SLCO5A1: variants seen among roughly 807,000 people sequenced by gnomAD.
The protein encoded by SLCO5A1 is organic anion transporter polypeptide-related protein 4.
A neutral mutation model predicts 65.1 loss-of-function variants in SLCO5A1; 39 were observed. The ratio of observed to expected loss-of-function variants is 0.60; its 90% CI spans 0.46 to 0.78. The LOEUF (loss-of-function observed/expected upper bound fraction) is 0.78. Among genes scored for constraint, SLCO5A1 ranks in the 30% least tolerant of loss-of-function variants. SLCO5A1 has a pLI of 0.00. For synonymous variants in SLCO5A1, 438 were observed against 415.7 expected (o/e 1.05, Z -0.65); for missense variants, 1,029 against 1,069.4 (o/e 0.96, Z 0.53).
intron 2 of SLCO5A1, among the ~76,000 whole-genome samples, chr8:69,767,243 C>T (rs990885573): frequency 3.3e-5 from 5 of 152,214 alleles, no homozygotes; most frequent in African/African-American, 1.2e-4. Context: ...TGAGAGCACG[C>T]TAAATCATTC....
intron 2 of SLCO5A1, among the ~76,000 whole-genome samples, chr8:69,784,882 A>T (rs529770772): frequency 3.5e-5 from 5 of 144,634 alleles, no homozygotes; most frequent in African/African-American, 1.3e-4. Flanking sequence ...GGAGAAAGAA[A>T]GAAAGAAGAA....
intron 2 of SLCO5A1, among the ~76,000 whole-genome samples, chr8:69,811,349 A>G (rs542993432): frequency 1.3e-5 from 2 of 152,344 alleles, no homozygotes; most frequent in South Asian, 4.1e-4. Flanking sequence ...CTTGTGAGGA[A>G]GCTATTTATA....
Position 69,832,946 on chromosome 8 carries a change from C to G in SLCO5A1, c.-273G>C, listed in dbSNP as rs1821239726. ...ATGAGCCCTACTCGGCGTCCCTCTCCGGGCGGTAGCTTGAGGCAGGCGCCT... is the reference window on the plus strand; with the variant it reads ...ATGAGCCCTACTCGGCGTCCCTCTCGGGGCGGTAGCTTGAGGCAGGCGCCT... On this transcript the variant is annotated 5_prime_UTR_variant, in exon 2 of 10. Transcript: ENST00000260126. The surrounding 1 kb of genome is among the most constrained non-coding windows in gnomAD (Gnocchi z 4.5). 4.6e-6 allele frequency: 2 copies of G among 436,708 alleles called. No homozygotes were observed. The highest frequency in any genetic ancestry group is 7.9e-6 in the Non-Finnish European group (2 of 252,590). The allele number at this position is 436,708 out of a possible 1,614,324, so 27.1% of individuals were successfully genotyped here. A position where few individuals can be genotyped will look rare whatever the true frequency, so the allele number is the denominator to read the frequency against.
chr8:69,675,596 G>A (rs192118923), intron 9 of SLCO5A1, among the ~76,000 whole-genome samples: 29 of 152,226 alleles, frequency 1.9e-4, no homozygotes, highest in African/African-American at 6.0e-4. Flanking sequence ...CTCATTAAAT[G>A]GAACTAGAAG....
At chr8:69,788,020 G>A (rs1382738691) in intron 2 of SLCO5A1, among the ~76,000 whole-genome samples, 1 of 152,066 alleles carries the variant, frequency 6.6e-6, no homozygotes, top group Non-Finnish European at 1.5e-5. Context: ...TTCTCATTTT[G>A]AATGACATTT....
intron 2 of SLCO5A1, among the ~76,000 whole-genome samples, chr8:69,827,817 G>A (rs1382745001): frequency 1.3e-5 from 2 of 152,222 alleles, no homozygotes; most frequent in African/African-American, 4.8e-5. Context: ...AATTTGTACA[G>A]AGGTAGTCTA....
At chr8:69,785,932 A>G (rs574472729) in intron 2 of SLCO5A1, among the ~76,000 whole-genome samples, 2 of 152,360 alleles carry the variant, frequency 1.3e-5, no homozygotes, top group Admixed American at 1.3e-4. Context: ...AGCTATTATA[A>G]TATTCAGAGC....
At chr8:69,807,184 T>C (rs940558539) in intron 2 of SLCO5A1, among the ~76,000 whole-genome samples, 2 of 152,226 alleles carry the variant, frequency 1.3e-5, no homozygotes, top group Non-Finnish European at 2.9e-5. Context: ...AATTAGAATA[T>C]ACATGTGTGA....
intron 5 of SLCO5A1, among the ~76,000 whole-genome samples, chr8:69,722,050 T>C (rs192073620): frequency 3.9e-5 from 6 of 152,240 alleles, no homozygotes; most frequent in Admixed American, 6.5e-5. Flanking sequence ...CATATACCTA[T>C]AGTCCCAGCT....
At chr8:69,755,075 G>T (rs1271203295) in intron 4 of SLCO5A1, among the ~76,000 whole-genome samples, 2 of 151,994 alleles carry the variant, frequency 1.3e-5, no homozygotes, top group Non-Finnish European at 1.5e-5. Context: ...GTTTCTTTAT[G>T]ATCTAAATCA....
chr8:69,723,024 A>G (rs904239367), intron 5 of SLCO5A1, among the ~76,000 whole-genome samples: 9 of 152,200 alleles, frequency 5.9e-5, no homozygotes, highest in African/African-American at 1.9e-4. Context: ...TATAAGACAC[A>G]ACAAAACAAA....
chr8:69,745,470 T>C (rs1321969611), intron 4 of SLCO5A1, among the ~76,000 whole-genome samples: 1 of 152,184 alleles, frequency 6.6e-6, no homozygotes, highest in Admixed American at 6.5e-5. Context: ...TTTATTATTA[T>C]ACAAAATAGA....
chr8:69,789,493 AAG>A (rs1467991044), intron 2 of SLCO5A1, among the ~76,000 whole-genome samples: 6 of 152,316 alleles, frequency 3.9e-5, no homozygotes, highest in Middle Eastern at 3.4e-3. Context: ...AATATTCAGA[AAG>A]AGAATGAAAC....
At chr8:69,777,938 A>AT (rs552392882) in intron 2 of SLCO5A1, among the ~76,000 whole-genome samples, 119 of 152,342 alleles carry the variant, frequency 7.8e-4, no homozygotes, top group Middle Eastern at 6.8e-3. Context: ...ATAATCTCAC[A>AT]TCACCACAAG....
At chr8:69,682,412 A>G in intron 6 of SLCO5A1, 69 bp from the exon 7 acceptor site, 1 of 1,381,362 alleles carries the variant, frequency 7.2e-7, no homozygotes, top group Non-Finnish European at 9.5e-7. Context: ...AGGTCTTGAA[A>G]TTAATAATTT....
At chr8:69,797,943 C>G (rs1425867672) in intron 2 of SLCO5A1, among the ~76,000 whole-genome samples, 1 of 152,138 alleles carries the variant, frequency 6.6e-6, no homozygotes, top group Non-Finnish European at 1.5e-5. Context: ...ACACTCCCTC[C>G]CCTTTTGAAA....
chr8:69,800,097 A>T (rs552517183), intron 2 of SLCO5A1, among the ~76,000 whole-genome samples: 1 of 152,078 alleles, frequency 6.6e-6, no homozygotes, highest in East Asian at 1.9e-4. Flanking sequence ...AATTTTGGTC[A>T]CCTATTTCAG....
At chr8:69,699,366 C>G (rs1441796082) in intron 6 of SLCO5A1, among the ~76,000 whole-genome samples, 2 of 152,182 alleles carry the variant, frequency 1.3e-5, no homozygotes, top group African/African-American at 4.8e-5. Flanking sequence ...ATGCCAGCAG[C>G]AAGGCTTACA....
At chr8:69,795,904 G>T (rs1211729230) in intron 2 of SLCO5A1, among the ~76,000 whole-genome samples, 2 of 152,232 alleles carry the variant, frequency 1.3e-5, no homozygotes, top group East Asian at 3.8e-4. Context: ...GCACCAACAG[G>T]GTTAACACTG....
Sources: allele counts gnomAD v4.1 joint callset (sites outside exome capture counted in the v4.1 genomes callset), GRCh38; gene constraint gnomAD v4.1.1; non-coding constraint Gnocchi (gnomAD v3.1); transcripts MANE v1.5; gene names NCBI Gene and HGNC (gene_info 2026-07-23, HGNC 2026-07-21).